Variants in DOK7 observed in about 807,000 individuals in gnomAD.
DOK7 encodes protein Dok-7.
DOK7 carries 32 observed loss-of-function variants against 30.7 expected under a neutral mutation model. The ratio of observed to expected loss-of-function variants is 1.04; its 90% confidence interval spans 0.79 to 1.40. The LOEUF (loss-of-function observed/expected upper bound fraction) is 1.40. DOK7 is among the 40% of genes most tolerant of loss of function. The probability of loss-of-function intolerance (pLI) is 0.00; values close to 1 mark genes in which losing one functional copy is unlikely to be tolerated. For synonymous variants in DOK7, 447 were observed against 324.1 expected (o/e 1.38, Z -4.07); for missense variants, 1,007 against 699.2 (o/e 1.44, Z -4.97).
chr4:3,482,596 G>A (rs1727499276), intron 4 of DOK7, among the ~76,000 whole-genome samples: 1 of 152,280 alleles, frequency 6.6e-6, no homozygotes, highest in African/African-American at 2.4e-5. Flanking sequence ...AGAAGGAGCG[G>A]CCTCTGAGGG....
chr4:3,500,287 C>A, exon 7 of DOK7: 1 of 1,535,964 alleles, frequency 6.5e-7, no homozygotes, highest in Non-Finnish European at 8.7e-7. Flanking sequence ...AGCCCAGGAC[C>A]AGAGAGGCCG....
intron 4 of DOK7, among the ~76,000 whole-genome samples, chr4:3,476,808 C>T (rs549987940): frequency 1.1e-3 from 170 of 152,352 alleles, no homozygotes; most frequent in African/African-American, 4.0e-3. Flanking sequence ...GAGGAGGGGC[C>T]TGAGGCCACA....
At chr4:3,469,458 A>C (rs4690102) in intron 2 of DOK7, among the ~76,000 whole-genome samples, 1 of 151,878 alleles carries the variant, frequency 6.6e-6, no homozygotes, top group Non-Finnish European at 1.5e-5. Flanking sequence ...CTCAGCCGCC[A>C]GGCAAGAGAC....
downstream of DOK7, chr4:3,496,920 G>A: frequency 2.8e-6 from 4 of 1,431,864 alleles, no homozygotes; most frequent in Non-Finnish European, 2.8e-6. Context: ...GAGTCTGGGT[G>A]GGCGCAGATG....
rs762828158 is a variant in DOK7 at position 3,493,213 on chromosome 4, C to T, written c.1227C>T (p.Arg409=). ...TGCGGGCCCACTATGACACACCACG[C>T]AGCCTTTGCCTGGCTCCTAGAGACC... ...TSLRAHYDTP[R]SLCLAPRDHS... Residue 409 remains arginine (R), a synonymous_variant, in exon 7 of 7, where the codon CGC becomes CGT. Transcript: ENST00000340083. 4.3e-6 allele frequency: 7 copies of T among 1,611,810 alleles called. No homozygotes were observed. The Admixed American group carries it at 1.2e-4, about 27-fold the overall frequency.
At chr4:3,484,721 G>T in intron 4 of DOK7, 1 of 985,554 alleles carries the variant, frequency 1.0e-6, no homozygotes, top group Non-Finnish European at 1.2e-6. Context: ...GCCCCAGGAT[G>T]CTGCACACGG....
intron 2 of DOK7, among the ~76,000 whole-genome samples, chr4:3,468,187 GGT>G (rs1553845193): frequency 2.1e-5 from 3 of 143,568 alleles, no homozygotes; most frequent in South Asian, 4.6e-4. Flanking sequence ...TGTGTGTGGG[GGT>G]GTGTGTGCAC....
At chr4:3,469,464 G>C (rs1726622937) in intron 2 of DOK7, among the ~76,000 whole-genome samples, 1 of 152,118 alleles carries the variant, frequency 6.6e-6, no homozygotes, top group Admixed American at 6.5e-5. Flanking sequence ...CGCCAGGCAA[G>C]AGACCCCCAG....
chr4:3,473,517 A>G lies in DOK7; in HGVS notation c.212A>G (p.Tyr71Cys), dbSNP rs771583740. ...DICGLEPGLP[Y>C]EGLVHTLAIV... ...TGCGGGCTGGAGCCCGGCCTGCCCT[A>G]CGAGGGCCTGGTCCACACGCTGGCC... Residue 71 changes from tyrosine to cysteine, a missense_variant, in exon 3 of 7, where the codon TAC becomes TGC. Physicochemically the swap from Tyr to Cys is radical, Grantham distance 194 (BLOSUM62 -2). Coordinates refer to ENST00000340083, the MANE Select transcript of DOK7 (RefSeq NM_173660.5). 5 of 1,611,016 alleles carry G rather than the reference A, an allele frequency of 3.1e-6. No homozygotes were observed. The South Asian group carries it at 3.3e-5, about 11-fold the overall frequency.
At chr4:3,464,203 A>G (rs1726140029) in intron 2 of DOK7, among the ~76,000 whole-genome samples, 1 of 152,100 alleles carries the variant, frequency 6.6e-6, no homozygotes, top group Admixed American at 6.5e-5. Context: ...CAGGTGCGGC[A>G]GAGCCGGCCA....
At position 3,487,662 on chromosome 4, in the gene DOK7, G is replaced by A. The variant is rs543897824; in HGVS notation, c.652+2004G>A. Reference sequence around the variant, plus strand: ...CGTTGCTGCACCCCATTTTGCAGACGAGGGTGAGAGGCTCAGGGGGCGTGT... The same window carrying A: ...CGTTGCTGCACCCCATTTTGCAGACAAGGGTGAGAGGCTCAGGGGGCGTGT... On this transcript the variant is annotated intron_variant, in intron 5 of 6. Transcript: ENST00000340083. Among the ~76,000 whole-genome samples, 82 of 152,322 alleles carry A rather than the reference G, an allele frequency of 5.4e-4. 3 individuals are homozygous for A. The highest frequency in any genetic ancestry group is 3.5e-3 in the Admixed American group (53 of 15,304).
intron 2 of DOK7, among the ~76,000 whole-genome samples, chr4:3,467,010 C>T (rs1438241837): frequency 1.3e-5 from 2 of 152,192 alleles, no homozygotes. Flanking sequence ...TCGATGGCCG[C>T]CCCCCTTGCT....
rs1726228260 is a variant in DOK7 at position 3,465,776 on chromosome 4, C to CAA, written c.100+2225_100+2226insAA. Reference sequence around the variant, plus strand: ...GGGACCACGTTCCTCAATGTCTCCACCGCGTCCTCACTGCGGAATGCGTGT... The same window carrying CAA: ...GGGACCACGTTCCTCAATGTCTCCACAACGCGTCCTCACTGCGGAATGCGTGT... On this transcript the variant is annotated intron_variant, in intron 2 of 6. Coordinates refer to ENST00000340083, the MANE Select transcript of DOK7 (RefSeq NM_173660.5). Among the ~76,000 whole-genome samples the CAA allele has an allele frequency of 6.6e-5, 10 of 152,322 alleles. No homozygotes were observed. In the South Asian group the frequency reaches 2.1e-3, roughly 32 times the overall value.
chr4:3,490,985 GCTCATTCATTCCTTCCTTCTTCT>G (rs1397737142), intron 6 of DOK7, among the ~76,000 whole-genome samples: 3 of 72,924 alleles, frequency 4.1e-5, no homozygotes, highest in Non-Finnish European at 8.3e-5. Flanking sequence ...TTTCCCTCCT[GCTCATTCATTCCTTCCTTCTTCT>G]TCCTGCTCAT....
At chr4:3,486,967 T>C (rs1284986341) in intron 5 of DOK7, among the ~76,000 whole-genome samples, 1 of 151,982 alleles carries the variant, frequency 6.6e-6, no homozygotes, top group Non-Finnish European at 1.5e-5. Context: ...GGGCAGAGGA[T>C]GCCAGGGAGG....
At chr4:3,475,633 G>A (rs562301510) in intron 3 of DOK7, among the ~76,000 whole-genome samples, 36 of 152,276 alleles carry the variant, frequency 2.4e-4, no homozygotes, top group East Asian at 7.7e-4. Context: ...AGAGAGGGCC[G>A]GTGGTGCCCT....
rs546846738 is a variant in DOK7, at chr4:3,489,609, C to T, written c.653-68C>T. Reference sequence around the variant, plus strand: ...GGGATAACCACTGAGTCAGGCTGGGCCTGGTGCCTGCGGGCGAGGGTGGGC... The same window carrying T: ...GGGATAACCACTGAGTCAGGCTGGGTCTGGTGCCTGCGGGCGAGGGTGGGC... On this transcript the variant is annotated intron_variant, in intron 5 of 6. Coordinates refer to ENST00000340083, the MANE Select transcript of DOK7 (RefSeq NM_173660.5). 1.1e-4 allele frequency: 177 copies of T among 1,550,794 alleles called. No individual in the cohort carries two copies. In the African/African-American group the frequency reaches 2.3e-3, roughly 20 times the overall value.
chr4:3,491,699 G>A (rs1330397731), intron 6 of DOK7, among the ~76,000 whole-genome samples: 2 of 152,246 alleles, frequency 1.3e-5, no homozygotes, highest in African/African-American at 2.4e-5. Flanking sequence ...CTGCATGTTG[G>A]TTTTACCTTC....
At chr4:3,491,872 T>A (rs2109411236) in intron 6 of DOK7, among the ~76,000 whole-genome samples, 1 of 152,292 alleles carries the variant, frequency 6.6e-6, no homozygotes, top group Non-Finnish European at 1.5e-5. Flanking sequence ...GAAGGGTGGC[T>A]GCATGGGTGA....
Sources: gnomAD v4.1 joint callset for allele counts (sites outside exome capture counted in the v4.1 genomes callset) on GRCh38, gnomAD v4.1.1 for gene constraint, MANE v1.5 for transcripts, NCBI Gene and HGNC (gene_info 2026-07-23, HGNC 2026-07-21) for gene names.